CILP: variants seen among roughly 807,000 people sequenced by gnomAD.
CILP encodes the protein cartilage intermediate layer protein.
CILP carries 75 observed loss-of-function variants against 82.5 expected under a neutral mutation model. The observed-to-expected ratio is 0.91, with a 90% CI of 0.75 to 1.10. CILP has a LOEUF of 1.10. CILP is among the 50% of genes least tolerant of loss of function. The probability of loss-of-function intolerance (pLI) is 0.00; values close to 1 mark genes in which losing one functional copy is unlikely to be tolerated. For synonymous variants in CILP, 530 were observed against 580.3 expected, an observed-to-expected ratio of 0.91 and a Z score of 1.25; for missense variants, 1,479 against 1,530.8, an observed-to-expected ratio of 0.97 and a Z score of 0.56.
chr15:65,206,706 C>T, intron 4 of CILP, 76 bp downstream of exon 4: 1 of 1,488,474 alleles, frequency 6.7e-7, no homozygotes, highest in Non-Finnish European at 9.0e-7. Flanking sequence ...TTCTGGTGGC[C>T]AGAGGCAGGT....
rs2088421739 is a variant in CILP, at chr15:65,199,241, G to C, written c.1187-142C>G. ...TTCTCATTCTCACAGAACTCTCTGA[G>C]AGGATAGAACAGCTATTACTGATCC... is the stretch of plus-strand genomic sequence containing the variant. On this transcript the variant is annotated intron_variant, in intron 8 of 8. Transcript: ENST00000261883. 9 of 645,550 alleles carry C rather than the reference G, an allele frequency of 1.4e-5. No individual in the cohort carries two copies. In the South Asian group the frequency reaches 1.8e-4, roughly 13 times the overall value. 40.0% of individuals were successfully genotyped at this position (645,550 alleles called of 1,614,324 possible). A position where few individuals can be genotyped will look rare whatever the true frequency, so the allele number is the denominator to read the frequency against.
intron 8 of CILP, among the ~76,000 whole-genome samples, chr15:65,199,814 C>A (rs754255907): frequency 6.6e-6 from 1 of 152,232 alleles, no homozygotes; most frequent in African/African-American, 2.4e-5. Context: ...CAGAGCAAGA[C>A]CCTGTCTAAA....
rs772523273 is a variant in CILP, at chr15:65,198,228, C to G, written c.2058G>C (p.Gln686His). 5.0e-6 allele frequency: 8 copies of G among 1,614,250 alleles called. No individual in the cohort carries two copies. In the South Asian group the frequency reaches 7.7e-5, roughly 16 times the overall value. Reference protein sequence around the residue: ...GKVKVHLDSTQVKMPEHISTV... With the variant: ...GKVKVHLDSTHVKMPEHISTV... ...TGGATATGTGCTCTGGCATCTTGACCTGGGTCGAGTCAAGGTGGACCTTCA... is the reference window on the plus strand; with the variant it reads ...TGGATATGTGCTCTGGCATCTTGACGTGGGTCGAGTCAAGGTGGACCTTCA... The change falls in exon 9 of 9, where the codon CAG (glutamine) becomes CAC (histidine). Residue 686 changes from glutamine (Q) to histidine (H), a missense_variant. Transcript: ENST00000261883.
rs1055383599 is a variant in CILP, at chr15:65,205,181, A to C, written c.604+106T>G. On this transcript the variant is annotated intron_variant, in intron 5 of 8. Coordinates refer to ENST00000261883, the MANE Select transcript of CILP (RefSeq NM_003613.4). ...GATGCTCAGTTAATACGTGGTGAGT[A>C]AGTAAATGAAGGAATCCATCAGTCT... is the stretch of plus-strand genomic sequence containing the variant. 13 of 1,048,732 alleles carry C rather than the reference A, an allele frequency of 1.2e-5. No individual in the cohort carries two copies. In the South Asian group the frequency reaches 2.0e-4, roughly 16 times the overall value. The allele number at this position is 1,048,732 out of a possible 1,614,324, so 65.0% of individuals were successfully genotyped here. A position where few individuals can be genotyped will look rare whatever the true frequency, so the allele number is the denominator to read the frequency against.
chr15:65,201,942 C>T lies in CILP; in HGVS notation c.1116G>A (p.Gly372=), dbSNP rs2088461414. Residue 372 remains glycine (G), a synonymous_variant, in exon 8 of 9, where the codon GGG becomes GGA. Coordinates refer to ENST00000261883, the MANE Select transcript of CILP (RefSeq NM_003613.4). ...VLRKLQQHQA[G]EYFCKAQSDA... ...CACTCTGGGCCTTGCAAAAGTACTC[C>T]CCAGCCTGGTGCTGCTGCAGTTTCC... is the stretch of plus-strand genomic sequence containing the variant. The T allele has an allele frequency of 1.9e-6, 3 of 1,608,018 alleles. No homozygotes were observed. The highest frequency in any genetic ancestry group is 1.3e-5 in the African/African-American group (1 of 74,506).
rs763019001 is a variant in CILP, at chr15:65,203,432, G to C, written c.958C>G (p.Arg320Gly). 1.2e-6 allele frequency: 2 copies of C among 1,612,890 alleles called. No individual in the cohort carries two copies. The highest frequency in any genetic ancestry group is 8.5e-7 in the Non-Finnish European group (1 of 1,179,980). ...AGAGACACGCTCTGCCCAGCTCTCC[G>C]TGCTTTTGTCTCAGGGTTCATCACC... ...YMVMNPETKA[R>G]RAGQSVSLCC... Residue 320 changes from arginine to glycine, a missense_variant, in exon 7 of 9, where the codon CGG becomes GGG. Physicochemically the swap from Arg to Gly is moderately radical, Grantham distance 125. Transcript: ENST00000261883.
chr15:65,205,520 A>G (rs2088510267), intron 4 of CILP, 54 bp from the exon 5 acceptor site: 1 of 1,501,236 alleles, frequency 6.7e-7, no homozygotes, highest in Non-Finnish European at 9.0e-7. Flanking sequence ...GAACTCTGTC[A>G]GGAAATCTGA....
chr15:65,207,207 C>G (rs993835662), intron 3 of CILP, among the ~76,000 whole-genome samples, 156 bp from the exon 4 acceptor site: 7 of 152,158 alleles, frequency 4.6e-5, no homozygotes, highest in Admixed American at 4.6e-4. Context: ...GCTGAGGCCT[C>G]CATTCAAGCT....
intron 6 of CILP, among the ~76,000 whole-genome samples, 184 bp from the exon 7 acceptor site, chr15:65,203,654 C>G (rs1027756229): frequency 6.6e-6 from 1 of 152,300 alleles, no homozygotes; most frequent in South Asian, 2.1e-4. Context: ...TTCCACACCC[C>G]CAATCCTGGG....
At position 65,198,969 on chromosome 15, in the gene CILP, C is replaced by T; in HGVS notation, c.1317G>A (p.Gly439=). 3 of 1,613,670 alleles carry T rather than the reference C, an allele frequency of 1.9e-6. No homozygotes were observed. The highest frequency in any genetic ancestry group is 2.5e-6 in the Non-Finnish European group (3 of 1,180,040). ...GGCACCTGATCCCATTATCCTGCTGCCCTGCACAAGTCTTAACAGGGCAGC... is the reference window on the plus strand; with the variant it reads ...GGCACCTGATCCCATTATCCTGCTGTCCTGCACAAGTCTTAACAGGGCAGC... ...VGRCPVKTCA[G]QQDNGIRCRD... The change falls in exon 9 of 9, where the codon GGG becomes GGA. Residue 439 remains glycine, a synonymous_variant. Coordinates refer to ENST00000261883, the MANE Select transcript of CILP (RefSeq NM_003613.4).
rs779874552 is a variant in CILP at position 65,201,905 on chromosome 15, C to T, written c.1153G>A (p.Val385Met). ...ATCAGCTGGGCAACCTTGGACTTCA[C>T]AGCCCCAGCATCACTCTGGGCCTTG... is the stretch of plus-strand genomic sequence containing the variant. ...FCKAQSDAGAVKSKVAQLIVI... is the reference protein window; with the variant it reads ...FCKAQSDAGAMKSKVAQLIVI... The change falls in exon 8 of 9, where the codon GTG (valine) becomes ATG (methionine). Residue 385 changes from valine (V) to methionine (M), a missense_variant. Val to Met is a conservative substitution (Grantham distance 21, BLOSUM62 1). Transcript: ENST00000261883. 3.2e-6 allele frequency: 5 copies of T among 1,584,532 alleles called. No homozygotes were observed. In the South Asian group the frequency reaches 4.6e-5, roughly 15 times the overall value.
intron 2 of CILP, among the ~76,000 whole-genome samples, chr15:65,208,999 G>A (rs2088554227): frequency 7.2e-6 from 1 of 138,202 alleles, no homozygotes. Context: ...CAGCTTTAAA[G>A]GAGGGTTTTG....
chr15:65,207,483 A>G lies in CILP; in HGVS notation c.154+189T>C, dbSNP rs149070895. On this transcript the variant is annotated intron_variant, in intron 3 of 8. Coordinates refer to ENST00000261883, the MANE Select transcript of CILP (RefSeq NM_003613.4). ...AAGCTCCACAGCATTCCTGAAAGGT[A>G]TCAGGCAGATTCCTGATTCTGAGCT... 1.3e-4 allele frequency among the ~76,000 whole-genome samples: 20 copies of G among 152,316 alleles called. No homozygotes were observed. In the East Asian group the frequency reaches 3.3e-3, roughly 25 times the overall value.
At position 65,194,857 on chromosome 15, in the gene CILP, A is replaced by AACCCC. The variant is rs2088343749; in HGVS notation, c.*1873_*1874insGGGGT. The AACCCC allele has an allele frequency of 1.4e-5, 1 of 71,030 alleles. No homozygotes were observed. The highest frequency in any genetic ancestry group is 2.9e-5 in the Non-Finnish European group (1 of 35,086). The allele number at this position is 71,030 out of a possible 1,614,324, so 4.4% of individuals were successfully genotyped here. A position where few individuals can be genotyped will look rare whatever the true frequency, so the allele number is the denominator to read the frequency against. ...GTCAGCCCACCTTCCCCAGCAACCC[A>AACCCC]CCCCCCCCCGACCCTCCCCCTCCCC... On this transcript the variant is annotated 3_prime_UTR_variant, in exon 9 of 9. Coordinates refer to ENST00000261883, the MANE Select transcript of CILP (RefSeq NM_003613.4).
chr15:65,197,279 C>T lies in CILP; in HGVS notation c.3007G>A (p.Ala1003Thr). The T allele has an allele frequency of 6.2e-7, 1 of 1,614,064 alleles. No homozygotes were observed. Among genetic ancestry groups the T allele is most frequent in the Non-Finnish European group, 8.5e-7 (1 of 1,179,970 alleles). The change falls in exon 9 of 9, where the codon GCT becomes ACT. Residue 1003 changes from alanine to threonine, a missense_variant. Ala to Thr is a moderately conservative substitution (Grantham distance 58, BLOSUM62 0). Transcript: ENST00000261883. ...CTGCACTTGAACTCCAGACAGGCAG[C>T]TGAGACATTGGGCTGGTCCCTGTCC... ...TRDRDQPNVS[A>T]ACLEFKCSGM... is the part of the protein sequence containing the mutation.
chr15:65,199,695 C>A (rs192593098), intron 8 of CILP, among the ~76,000 whole-genome samples: 126 of 152,282 alleles, frequency 8.3e-4, no homozygotes, highest in African/African-American at 2.8e-3. Flanking sequence ...TGGTGGCACA[C>A]GCCTGTAGTC....
chr15:65,197,944 T>C lies in CILP; in HGVS notation c.2342A>G (p.Glu781Gly), dbSNP rs1425385135. ...GTTGGACAAGAAGCCAGTTCTAGGC[T>C]CCAGGTTAATCACGGAGATCACAAC... The part of the protein sequence containing the change: ...QGVVISVINL[E>G]PRTGFLSNPR... Residue 781 changes from glutamate (E) to glycine (G), a missense_variant, in exon 9 of 9, where the codon GAG becomes GGG. Transcript: ENST00000261883. The C allele has an allele frequency of 6.2e-7, 1 of 1,613,958 alleles. No homozygotes were observed. Among genetic ancestry groups the C allele is most frequent in the African/African-American group, 1.3e-5 (1 of 74,876 alleles).
chr15:65,206,928 T>C lies in CILP; in HGVS notation c.278A>G (p.Glu93Gly), dbSNP rs2088523812. 1 of 1,613,876 alleles carries C rather than the reference T, an allele frequency of 6.2e-7. No individual in the cohort carries two copies. Among genetic ancestry groups the C allele is most frequent in the Admixed American group, 1.7e-5 (1 of 59,990 alleles). ...DRVCARPLRL[E>G]ARTTDWTPAG... ...AGGTGTCCAGTCAGTGGTCCGAGCC[T>C]CTAGCCGCAGGGGACGGGCACATAC... Residue 93 changes from glutamate to glycine, a missense_variant, in exon 4 of 9, where the codon GAG becomes GGG. Physicochemically the swap from Glu to Gly is moderately conservative, Grantham distance 98. Transcript: ENST00000261883.
At chr15:65,201,044 C>T (rs966418165) in intron 8 of CILP, among the ~76,000 whole-genome samples, 3 of 151,916 alleles carry the variant, frequency 2.0e-5, no homozygotes, top group African/African-American at 7.3e-5. Context: ...CTCTGTTTCC[C>T]AGGCTGGAGT....
Sources: allele counts gnomAD v4.1 joint callset (sites outside exome capture counted in the v4.1 genomes callset), GRCh38; gene constraint gnomAD v4.1.1; transcripts MANE v1.5; gene names NCBI Gene and HGNC (gene_info 2026-07-23, HGNC 2026-07-21).